Variants in DAB1 observed in about 807,000 individuals in gnomAD.
DAB1 encodes disabled homolog 1.
Under a neutral mutation model 64.6 loss-of-function variants are expected in DAB1, and 15 were observed. That is an observed-to-expected ratio of 0.23 (90% CI 0.16 to 0.36). The LOEUF is 0.36. DAB1 is among the 10% of genes least tolerant of loss of function. The pLI is 1.00. For missense variants in DAB1, 596 were observed against 706.7 expected, an observed-to-expected ratio of 0.84 and a Z score of 1.78; for synonymous variants, 235 against 251.9, an observed-to-expected ratio of 0.93 and a Z score of 0.64.
At chr1:57,661,172 T>C (rs1379063485) in intron 6 of DAB1, among the ~76,000 whole-genome samples, 1 of 152,012 alleles carries the variant, frequency 6.6e-6, no homozygotes, top group Non-Finnish European at 1.5e-5. Context: ...TCACTGTGTC[T>C]AAAACTGCCC....
intron 4 of DAB1, among the ~76,000 whole-genome samples, chr1:58,188,703 C>T (rs547605121): frequency 1.6e-4 from 24 of 152,314 alleles, no homozygotes; most frequent in African/African-American, 5.8e-4. Flanking sequence ...ACTTGTAATT[C>T]ATTCAATAAT....
At chr1:57,409,702 G>A (rs1053733988) in intron 1 of DAB1, among the ~76,000 whole-genome samples, 16 of 152,086 alleles carry the variant, frequency 1.1e-4, no homozygotes, top group African/African-American at 3.9e-4. Context: ...CCAGCTACTC[G>A]GGAGGCTGAG....
chr1:57,016,418 C>T (rs1462601637), intron 11 of DAB1, among the ~76,000 whole-genome samples: 6 of 151,856 alleles, frequency 4.0e-5, no homozygotes, highest in African/African-American at 4.8e-5. Context: ...CTCTTCTCTA[C>T]CAAAAATTTT....
chr1:57,262,988 A>G (rs531219261), intron 2 of DAB1, among the ~76,000 whole-genome samples: 1 of 152,318 alleles, frequency 6.6e-6, no homozygotes, highest in South Asian at 2.1e-4. Flanking sequence ...ATAAGGGGCT[A>G]TCTTCCCTCA....
chr1:58,333,980 G>T (rs1000636628), intron 4 of DAB1, among the ~76,000 whole-genome samples: 41 of 152,256 alleles, frequency 2.7e-4, no homozygotes, highest in African/African-American at 9.6e-4. Flanking sequence ...TTGTGTGATA[G>T]ACTGGGTATA....
At chr1:57,678,594 G>C (rs1413981579) in intron 6 of DAB1, among the ~76,000 whole-genome samples, 5 of 152,148 alleles carry the variant, frequency 3.3e-5, no homozygotes, top group Middle Eastern at 6.8e-3. Flanking sequence ...GGGTAGACTA[G>C]GAAAAGAGGC....
At chr1:57,787,596 C>T (rs1443824419) in intron 6 of DAB1, among the ~76,000 whole-genome samples, 1 of 151,916 alleles carries the variant, frequency 6.6e-6, no homozygotes, top group African/African-American at 2.4e-5. Flanking sequence ...TCTTGGTAAT[C>T]TTGGATTAGG....
intron 6 of DAB1, among the ~76,000 whole-genome samples, chr1:57,687,709 C>T (rs573340590): frequency 7.2e-4 from 108 of 149,922 alleles, no homozygotes; most frequent in Non-Finnish European, 1.3e-3. Context: ...GGTACTGGTA[C>T]AAAAACAGAC....
chr1:57,170,875 C>G (rs1239361990), intron 2 of DAB1, among the ~76,000 whole-genome samples: 1 of 152,174 alleles, frequency 6.6e-6, no homozygotes. Flanking sequence ...GCTTTTGATA[C>G]TTCAAAAATC....
intron 6 of DAB1, among the ~76,000 whole-genome samples, chr1:57,811,091 T>C (rs1222616275): frequency 6.6e-6 from 1 of 152,230 alleles, no homozygotes; most frequent in Non-Finnish European, 1.5e-5. Flanking sequence ...TGTAAGTACA[T>C]TTGCTTTTGC....
At chr1:57,868,923 G>A (rs1654418969) in intron 1 of DAB1, among the ~76,000 whole-genome samples, 1 of 152,030 alleles carries the variant, frequency 6.6e-6, no homozygotes, top group South Asian at 2.1e-4. Flanking sequence ...AAGGCATCTT[G>A]ATGCCTTCAA....
intron 6 of DAB1, among the ~76,000 whole-genome samples, chr1:57,652,028 C>T (rs1350703608): frequency 2.6e-5 from 4 of 152,092 alleles, no homozygotes; most frequent in African/African-American, 7.2e-5. Flanking sequence ...CAAAACCCAA[C>T]CACCTTTGTA....
chr1:58,540,951 T>A (rs1646597468), intron 1 of DAB1, among the ~76,000 whole-genome samples: 1 of 152,092 alleles, frequency 6.6e-6, no homozygotes, highest in African/African-American at 2.4e-5. Flanking sequence ...ACATAACTTC[T>A]TAAAATCAAT....
At chr1:57,349,960 G>A (rs528512356) in intron 1 of DAB1, among the ~76,000 whole-genome samples, 2 of 152,274 alleles carry the variant, frequency 1.3e-5, no homozygotes, top group African/African-American at 4.8e-5. Context: ...GAAATGAGAA[G>A]CACAAACTAC....
chr1:57,661,131 A>G (rs1229289520), intron 6 of DAB1, among the ~76,000 whole-genome samples: 3 of 143,504 alleles, frequency 2.1e-5, no homozygotes, highest in Admixed American at 6.8e-5. Context: ...AGTCTGGGGG[A>G]AAAAAAAAAG....
At chr1:58,008,536 A>G (rs1646620676) in intron 5 of DAB1, among the ~76,000 whole-genome samples, 1 of 152,148 alleles carries the variant, frequency 6.6e-6, no homozygotes, top group Non-Finnish European at 1.5e-5. Context: ...AACAAAGATT[A>G]AAAAGCTGGA....
intron 6 of DAB1, among the ~76,000 whole-genome samples, chr1:57,771,599 T>C (rs1649565128): frequency 6.6e-6 from 1 of 152,174 alleles, no homozygotes; most frequent in Admixed American, 6.6e-5. Context: ...ATAATTTATA[T>C]GACATGAAAT....
At chr1:57,154,657 C>T (rs1188087403) in intron 2 of DAB1, among the ~76,000 whole-genome samples, 3 of 152,188 alleles carry the variant, frequency 2.0e-5, no homozygotes, top group African/African-American at 4.8e-5. Flanking sequence ...TATATTCTCA[C>T]CAACAGTGTA....
intron 2 of DAB1, among the ~76,000 whole-genome samples, chr1:57,150,921 C>T (rs908320517): frequency 1.3e-5 from 2 of 152,020 alleles, no homozygotes; most frequent in African/African-American, 4.8e-5. Context: ...TTTGAGAGGC[C>T]AAGGAGGGAG....
Sources: gnomAD v4.1 joint callset for allele counts (sites outside exome capture counted in the v4.1 genomes callset) on GRCh38, gnomAD v4.1.1 for gene constraint, MANE v1.5 for transcripts, NCBI Gene and HGNC (gene_info 2026-07-23, HGNC 2026-07-21) for gene names.